The following ATF7IP variants were observed in gnomAD, a reference collection of about 807,000 sequenced individuals.
The protein encoded by ATF7IP is activating transcription factor 7-interacting protein 1.
In ATF7IP, 23 loss-of-function variants were observed where a neutral mutation model predicts 106.4. The observed-to-expected ratio is 0.22, with a 90% CI of 0.16 to 0.31. The LOEUF (loss-of-function observed/expected upper bound fraction) is 0.31, where lower values mean the gene tolerates loss of function less well. ATF7IP is among the 10% of genes least tolerant of loss of function. The pLI is 1.00. For synonymous variants in ATF7IP, 542 were observed against 539.0 expected (o/e 1.01, Z -0.08); for missense variants, 1,334 against 1,524.3 (o/e 0.88, Z 2.08).
At chr12:14,427,365 C>CTT (rs879724150) in intron 2 of ATF7IP, among the ~76,000 whole-genome samples, 1 of 145,074 alleles carries the variant, frequency 6.9e-6, no homozygotes, top group African/African-American at 2.5e-5. Context: ...GAGTCTAATT[C>CTT]TTTTTTTTTT....
chr12:14,426,849 AAG>A (rs1167097731), intron 2 of ATF7IP, among the ~76,000 whole-genome samples: 3,407 of 55,240 alleles, frequency 0.062, 763 homozygotes, highest in African/African-American at 0.1. Context: ...AAAAAAAAAA[AAG>A]GATGGCTTTT....
rs1163562686 is a variant in ATF7IP at position 14,424,909 on chromosome 12, A to G, written c.994A>G (p.Lys332Glu). ...TGAAAAATTAGAGCAAATTCAGAGT[A>G]AAGACTCATTGGATGAGAAAAATAA... ...ADEKLEQIQS[K>E]DSLDEKNKAD... is the part of the protein sequence containing the mutation. The change falls in exon 2 of 15, where the codon AAA becomes GAA. Residue 332 changes from lysine (K) to glutamate (E), a missense_variant. Transcript: ENST00000261168. The G allele has an allele frequency of 6.2e-7, 1 of 1,608,952 alleles. No homozygotes were observed. Among genetic ancestry groups the G allele is most frequent in the Non-Finnish European group, 8.5e-7 (1 of 1,178,756 alleles).
At chr12:14,416,083 AT>A (rs1941192380) in intron 1 of ATF7IP, among the ~76,000 whole-genome samples, 1 of 152,168 alleles carries the variant, frequency 6.6e-6, no homozygotes, top group Admixed American at 6.5e-5. Flanking sequence ...AGTAAAGCAG[AT>A]TATTAGCATC....
In ATF7IP at chr12:14,405,403, CTTTTTTTTTTTTTT is replaced by C. The variant is rs145211652; in HGVS notation, c.-7-18490_-7-18477del. Among the ~76,000 whole-genome samples, 16 of 83,558 alleles carry C rather than the reference CTTTTTTTTTTTTTT, an allele frequency of 1.9e-4. No homozygotes were observed. The East Asian group carries it at 5.4e-3, about 28-fold the overall frequency. The allele number at this position is 83,558 out of a possible 152,430, so 54.8% of individuals were successfully genotyped here. A position where few individuals can be genotyped will look rare whatever the true frequency, so the allele number is the denominator to read the frequency against. Reference sequence around the variant, plus strand: ...GGATTTAGGGTCTTTTTTCTTTCATCTTTTTTTTTTTTTTTTTTTTTTTTTTTTTGTGACAGGAT... The same window carrying C: ...GGATTTAGGGTCTTTTTTCTTTCATCTTTTTTTTTTTTTTTGTGACAGGAT... On this transcript the variant is annotated intron_variant, in intron 1 of 14. Coordinates refer to ENST00000261168, the MANE Select transcript of ATF7IP (RefSeq NM_018179.5).
intron 1 of ATF7IP, among the ~76,000 whole-genome samples, chr12:14,384,165 T>C (rs1478880403): frequency 6.6e-6 from 1 of 152,190 alleles, no homozygotes; most frequent in Non-Finnish European, 1.5e-5. Flanking sequence ...GCTATATCCC[T>C]ATTACTCCCC....
chr12:14,467,635 A>G (rs1256537449), intron 10 of ATF7IP, among the ~76,000 whole-genome samples: 1 of 152,100 alleles, frequency 6.6e-6, no homozygotes, highest in Admixed American at 6.5e-5. Flanking sequence ...TAAACTTTAA[A>G]CAAAGGATTT....
intron 1 of ATF7IP, among the ~76,000 whole-genome samples, chr12:14,400,494 T>C (rs568478418): frequency 1.5e-3 from 235 of 152,278 alleles, no homozygotes; most frequent in Non-Finnish European, 3.0e-3. Flanking sequence ...TAAAAAGGTA[T>C]GTCTGGTCCT....
Position 14,407,878 on chromosome 12 carries a change from A to G in ATF7IP, c.-7-16031A>G, listed in dbSNP as rs372049619. Among the ~76,000 whole-genome samples the G allele has an allele frequency of 4.5e-4, 68 of 152,230 alleles. No individual in the cohort carries two copies. The South Asian group carries it at 0.014, about 32-fold the overall frequency. Reference sequence around the variant, plus strand: ...AAGTATAAGGCATACTTCCTACCTTATTTTGAAGTCTGCTTTGGTAAGTTA... The same window carrying G: ...AAGTATAAGGCATACTTCCTACCTTGTTTTGAAGTCTGCTTTGGTAAGTTA... On this transcript the variant is annotated intron_variant, in intron 1 of 14. Coordinates refer to ENST00000261168, the MANE Select transcript of ATF7IP (RefSeq NM_018179.5).
In ATF7IP at chr12:14,424,512, C is replaced by G; in HGVS notation, c.597C>G (p.Leu199=). ...ATSGDATADD[L]SSGDPTSSDP... ...CTGGTGATGCCACTGCTGATGATCT[C>G]TCCTCTGGTGATCCCACCTCTAGTG... The change falls in exon 2 of 15, where the codon CTC becomes CTG. Residue 199 remains leucine (L), a synonymous_variant. Transcript: ENST00000261168. The G allele has an allele frequency of 6.2e-7, 1 of 1,614,138 alleles. No homozygotes were observed. The highest frequency in any genetic ancestry group is 1.3e-5 in the African/African-American group (1 of 75,036).
rs573085120 is a variant in ATF7IP at position 14,370,000 on chromosome 12, C to T, written c.-8+4173C>T. Among the ~76,000 whole-genome samples the T allele has an allele frequency of 5.3e-5, 8 of 151,522 alleles. No individual in the cohort carries two copies. The East Asian group carries it at 9.7e-4, about 18-fold the overall frequency. ...TTGCCCAGGCTGGAGTGCAATGGCA[C>T]GATCTCAGCTCACCGCAACCTCCGC... On this transcript the variant is annotated intron_variant, in intron 1 of 14. Coordinates refer to ENST00000261168, the MANE Select transcript of ATF7IP (RefSeq NM_018179.5).
At chr12:14,459,891 TTC>T (rs1943575432) in intron 8 of ATF7IP, among the ~76,000 whole-genome samples, 1 of 152,238 alleles carries the variant, frequency 6.6e-6, no homozygotes, top group African/African-American at 2.4e-5. Context: ...ATCTGTCATC[TTC>T]GCTCAGTGCT....
chr12:14,379,167 C>T (rs893220675), intron 1 of ATF7IP, among the ~76,000 whole-genome samples: 21 of 152,182 alleles, frequency 1.4e-4, no homozygotes, highest in Admixed American at 1.4e-3. Flanking sequence ...CCCCTTGGTA[C>T]TGTCCTCCAC....
At chr12:14,378,049 C>G (rs1938827139) in intron 1 of ATF7IP, among the ~76,000 whole-genome samples, 1 of 151,188 alleles carries the variant, frequency 6.6e-6, no homozygotes, top group Non-Finnish European at 1.5e-5. Flanking sequence ...AATCATTGGT[C>G]TAAGCAGTTT....
intron 12 of ATF7IP, among the ~76,000 whole-genome samples, chr12:14,480,092 T>C (rs536597056): frequency 6.6e-6 from 1 of 152,290 alleles, no homozygotes; most frequent in South Asian, 2.1e-4. Context: ...CTGTAAAGAC[T>C]GAAGAGTCTT....
intron 13 of ATF7IP, chr12:14,481,740 T>TTTA: frequency 4.0e-6 from 1 of 248,468 alleles, no homozygotes; most frequent in Non-Finnish European, 8.1e-6. Context: ...TCTACTCTAT[T>TTTA]AAGAAACACC....
chr12:14,446,934 A>G, intron 5 of ATF7IP, 54 bp from the exon 6 acceptor site: 4 of 1,244,446 alleles, frequency 3.2e-6, no homozygotes, highest in Admixed American at 5.9e-5. Flanking sequence ...TTTTTTTTTA[A>G]TGCTGTAATA....
chr12:14,388,821 G>T (rs748158852), intron 1 of ATF7IP, among the ~76,000 whole-genome samples: 42 of 152,200 alleles, frequency 2.8e-4, no homozygotes, highest in South Asian at 6.2e-4. Context: ...TGTGTTTTTA[G>T]TAGAGACGGG....
chr12:14,461,123 C>T lies in ATF7IP; in HGVS notation c.2787C>T (p.Thr929=). The stretch of plus-strand genomic sequence containing the variant: ...CTGCAGAACAGAACAGCAATACCAC[C>T]CCAAGAATTGGTAAGTCACCATGTA... ...SSAAEQNSNT[T]PRIENQTNKT... is the part of the protein sequence containing the mutation. The change falls in exon 9 of 15, where the codon ACC becomes ACT. Residue 929 remains threonine (T), a synonymous_variant. Transcript: ENST00000261168. 1 of 1,610,524 alleles carries T rather than the reference C, an allele frequency of 6.2e-7. No homozygotes were observed. The highest frequency in any genetic ancestry group is 2.2e-5 in the East Asian group (1 of 44,796).
chr12:14,496,310 C>T lies in ATF7IP; in HGVS notation c.3360C>T (p.Leu1120=). 1.2e-6 allele frequency: 2 copies of T among 1,613,838 alleles called. No individual in the cohort carries two copies. The highest frequency in any genetic ancestry group is 2.7e-5 in the African/African-American group (2 of 75,012). The change falls in exon 14 of 15, where the codon CTC becomes CTT. Residue 1120 remains leucine, a synonymous_variant. Coordinates refer to ENST00000261168, the MANE Select transcript of ATF7IP (RefSeq NM_018179.5). Reference sequence around the variant, plus strand: ...CCCTGGGATCAACAGGACCTCAGCTCACAGTGCATCACCGACCACCACAAG... The same window carrying T: ...CCCTGGGATCAACAGGACCTCAGCTTACAGTGCATCACCGACCACCACAAG... ...GLTLGSTGPQ[L]TVHHRPPQVH... is the part of the protein sequence containing the mutation.
Sources: gnomAD v4.1 joint callset for allele counts (sites outside exome capture counted in the v4.1 genomes callset) on GRCh38, gnomAD v4.1.1 for gene constraint, MANE v1.5 for transcripts, NCBI Gene and HGNC (gene_info 2026-07-23, HGNC 2026-07-21) for gene names.